The following DLGAP2 variants were observed in gnomAD, a reference collection of about 807,000 sequenced individuals.
The protein encoded by DLGAP2 is DLG associated protein 2, also known as disks large-associated protein 2.
DLGAP2 carries 26 observed loss-of-function variants against 100.3 expected under a neutral mutation model. That is an observed-to-expected ratio of 0.26 (90% CI 0.19 to 0.36). The LOEUF is 0.36. Ranked by LOEUF, DLGAP2 falls within the 10% of genes least tolerant of loss-of-function variation. The pLI, the probability that DLGAP2 is intolerant of heterozygous loss-of-function variation, is 1.00. For missense variants in DLGAP2, 1,858 were observed against 1,453.2 expected, an observed-to-expected ratio of 1.28 and a Z score of -4.53; for synonymous variants, 886 against 630.1, an observed-to-expected ratio of 1.41 and a Z score of -6.08.
chr8:1,587,704 TA>T (rs1796167068), intron 6 of DLGAP2, among the ~76,000 whole-genome samples: 1 of 152,210 alleles, frequency 6.6e-6, no homozygotes, highest in Non-Finnish European at 1.5e-5. Context: ...TACTATTAAT[TA>T]TTTTTCTTTC....
chr8:1,201,940 G>GTA (rs1366014317), intron 2 of DLGAP2, among the ~76,000 whole-genome samples: 3 of 146,416 alleles, frequency 2.0e-5, no homozygotes, highest in Admixed American at 6.9e-5. Flanking sequence ...TGTGTGTGAT[G>GTA]TGTGTATGTG....
chr8:916,213 C>T (rs1322806889), intron 2 of DLGAP2, among the ~76,000 whole-genome samples: 1 of 152,208 alleles, frequency 6.6e-6, no homozygotes, highest in East Asian at 1.9e-4. Flanking sequence ...TAAAGTCTTT[C>T]CAGTGTAAGA....
At chr8:870,779 C>T (rs1483583999) in intron 1 of DLGAP2, among the ~76,000 whole-genome samples, 1 of 152,104 alleles carries the variant, frequency 6.6e-6, no homozygotes, top group Non-Finnish European at 1.5e-5. Flanking sequence ...TCTTCGTGCC[C>T]TGGTGACATC....
intron 2 of DLGAP2, among the ~76,000 whole-genome samples, chr8:1,182,205 G>A (rs978696778): frequency 3.9e-5 from 6 of 152,242 alleles, no homozygotes; most frequent in African/African-American, 1.4e-4. Flanking sequence ...TCTAAGCAGG[G>A]CAGAAACCAC....
chr8:1,430,360 C>T (rs959685330), intron 3 of DLGAP2, among the ~76,000 whole-genome samples: 1 of 152,070 alleles, frequency 6.6e-6, no homozygotes, highest in Non-Finnish European at 1.5e-5. Context: ...GCCACATTTA[C>T]GTTGCATTGC....
chr8:856,342 C>T (rs899247726), intron 1 of DLGAP2, among the ~76,000 whole-genome samples: 2 of 152,006 alleles, frequency 1.3e-5, no homozygotes, highest in Non-Finnish European at 2.9e-5. Context: ...GCACACACCA[C>T]CACGCCTGGC....
chr8:1,317,821 C>T (rs1353808223), intron 3 of DLGAP2, among the ~76,000 whole-genome samples: 2 of 142,930 alleles, frequency 1.4e-5, no homozygotes, highest in East Asian at 2.1e-4. Context: ...GCGAGTGCAG[C>T]GTCTCTCCCA....
intron 3 of DLGAP2, among the ~76,000 whole-genome samples, chr8:1,298,358 C>G (rs1029143620): frequency 6.6e-6 from 1 of 152,192 alleles, no homozygotes; most frequent in African/African-American, 2.4e-5. Context: ...CGCGTCCTTC[C>G]ACATGATGGC....
chr8:832,000 T>A (rs184043893), intron 1 of DLGAP2, among the ~76,000 whole-genome samples: 1 of 152,366 alleles, frequency 6.6e-6, no homozygotes, highest in Admixed American at 6.5e-5. Context: ...GTTGATTGCA[T>A]AAATGTCTTC....
At chr8:967,173 C>T (rs1005089228) in intron 2 of DLGAP2, among the ~76,000 whole-genome samples, 8 of 152,364 alleles carry the variant, frequency 5.3e-5, no homozygotes, top group Non-Finnish European at 1.2e-4. Flanking sequence ...CTTTCACTGC[C>T]TGTGTCATGT....
chr8:1,499,335 G>T (rs1488570522), intron 3 of DLGAP2, among the ~76,000 whole-genome samples: 1 of 152,218 alleles, frequency 6.6e-6, no homozygotes, highest in Admixed American at 6.5e-5. Context: ...CCTTGTCTCT[G>T]TGTGCATGTG....
At chr8:1,540,047 C>G (rs901432564) in intron 4 of DLGAP2, among the ~76,000 whole-genome samples, 20 of 152,200 alleles carry the variant, frequency 1.3e-4, no homozygotes, top group Non-Finnish European at 2.9e-4. Context: ...CTCCTCTTGC[C>G]TGCTCTCCCT....
chr8:1,697,401 G>C, intron 14 of DLGAP2, 102 bp downstream of exon 14: 1 of 1,474,882 alleles, frequency 6.8e-7, no homozygotes, highest in Non-Finnish European at 9.1e-7. Context: ...TCAGTCTTTT[G>C]CTGGCAACAC....
intron 1 of DLGAP2, among the ~76,000 whole-genome samples, chr8:769,566 G>A (rs1322548259): frequency 6.6e-6 from 1 of 152,160 alleles, no homozygotes; most frequent in Non-Finnish European, 1.5e-5. Flanking sequence ...AAGGAACAGA[G>A]AAGTAAACTG....
intron 2 of DLGAP2, among the ~76,000 whole-genome samples, chr8:1,023,565 T>G: frequency 6.6e-6 from 1 of 151,642 alleles, no homozygotes; most frequent in Non-Finnish European, 1.5e-5. Flanking sequence ...TGTGTGAACC[T>G]CAGTGTGCGT....
At chr8:1,336,363 G>A (rs1801273116) in intron 3 of DLGAP2, among the ~76,000 whole-genome samples, 1 of 152,222 alleles carries the variant, frequency 6.6e-6, no homozygotes, top group African/African-American at 2.4e-5. Context: ...AGGAAGGAAA[G>A]AGCTGGAGGA....
At chr8:998,083 A>G (rs940693400) in intron 2 of DLGAP2, among the ~76,000 whole-genome samples, 5 of 152,170 alleles carry the variant, frequency 3.3e-5, no homozygotes, top group African/African-American at 1.2e-4. Context: ...ATGTGCACAC[A>G]CCCGTGTCTG....
chr8:1,451,097 T>G (rs73672705), intron 3 of DLGAP2, among the ~76,000 whole-genome samples: 105 of 152,180 alleles, frequency 6.9e-4, no homozygotes, highest in African/African-American at 2.4e-3. Context: ...ATATCCTACT[T>G]AGTGGATTCC....
rs983066466 is a variant in DLGAP2, at chr8:950,973, A to T, written c.73+43007A>T. 5.3e-5 allele frequency among the ~76,000 whole-genome samples: 8 copies of T among 152,146 alleles called. No homozygotes were observed. The East Asian group carries it at 1.4e-3, about 26-fold the overall frequency. Reference sequence around the variant, plus strand: ...ATCGAGTGAAGCCAAGGAAAAATTCACCTGTATCTCCTGCCCTGCAGTAAT... The same window carrying T: ...ATCGAGTGAAGCCAAGGAAAAATTCTCCTGTATCTCCTGCCCTGCAGTAAT... On this transcript the variant is annotated intron_variant, in intron 2 of 14. Transcript: ENST00000637795.
Sources: gnomAD v4.1 joint callset for allele counts (sites outside exome capture counted in the v4.1 genomes callset) on GRCh38, gnomAD v4.1.1 for gene constraint, MANE v1.5 for transcripts, NCBI Gene and HGNC (gene_info 2026-07-23, HGNC 2026-07-21) for gene names.